Variants in XIRP2 observed in about 807,000 individuals in gnomAD.
The protein encoded by XIRP2 is xin actin-binding repeat-containing protein 2.
In XIRP2, 236 loss-of-function variants were observed where a neutral mutation model predicts 277.0. That is an observed-to-expected ratio of 0.85 (90% confidence interval 0.77 to 0.95). The LOEUF (loss-of-function observed/expected upper bound fraction) is 0.95, where lower values mean the gene tolerates loss of function less well. Ranked by LOEUF, XIRP2 falls within the 40% of genes least tolerant of loss-of-function variation. XIRP2 has a pLI of 0.00. For missense variants in XIRP2, 4,640 were observed against 4,157.5 expected (o/e 1.12, Z -3.19); for synonymous variants, 1,490 against 1,416.5 (o/e 1.05, Z -1.17).
At chr2:166,912,372 T>C (rs1684733410) in intron 2 of XIRP2, among the ~76,000 whole-genome samples, 1 of 152,252 alleles carries the variant, frequency 6.6e-6, no homozygotes, top group African/African-American at 2.4e-5. Flanking sequence ...CTTCAATCAC[T>C]GATACCCTTT....
rs889184124 is a variant in XIRP2, at chr2:167,259,618, C to T, written c.*1801C>T. ...GGATATGTTTTCCATTCAAATGGCA[C>T]TTTAGCATATTGTTCTGTTTTCCTG... On this transcript the variant is annotated 3_prime_UTR_variant, in exon 11 of 11. Coordinates refer to ENST00000409195, the MANE Select transcript of XIRP2 (RefSeq NM_152381.6). The T allele has an allele frequency of 2.7e-6, 1 of 364,370 alleles. No individual in the cohort carries two copies. The highest frequency in any genetic ancestry group is 9.3e-5 in the South Asian group (1 of 10,714). 22.6% of individuals were successfully genotyped at this position (364,370 alleles called of 1,614,324 possible).
chr2:167,147,654 G>T (rs911556292), intron 3 of XIRP2, among the ~76,000 whole-genome samples: 5 of 152,174 alleles, frequency 3.3e-5, no homozygotes, highest in African/African-American at 1.2e-4. Context: ...AAGTAGAACC[G>T]TTTATAGAAC....
chr2:166,910,891 G>A (rs186130826), intron 2 of XIRP2, among the ~76,000 whole-genome samples: 1,837 of 152,066 alleles, frequency 0.012, 23 homozygotes, highest in Admixed American at 0.03. Flanking sequence ...ATTCAGGAGC[G>A]GGTTGTTCAG....
At chr2:167,105,909 C>T (rs1690604842) in intron 2 of XIRP2, among the ~76,000 whole-genome samples, 1 of 151,610 alleles carries the variant, frequency 6.6e-6, no homozygotes, top group African/African-American at 2.4e-5. Context: ...TAGCTAATGA[C>T]GTTGAACATC....
At chr2:166,962,230 A>G (rs371055941) in intron 2 of XIRP2, among the ~76,000 whole-genome samples, 6 of 151,752 alleles carry the variant, frequency 4.0e-5, no homozygotes, top group Admixed American at 2.0e-4. Flanking sequence ...CTGATAATCA[A>G]CTATTTCTTT....
At position 167,241,812 on chromosome 2, in the gene XIRP2, G is replaced by C; in HGVS notation, c.1078G>C (p.Val360Leu). 6.2e-7 allele frequency: 1 copy of C among 1,613,348 alleles called. No individual in the cohort carries two copies. Among genetic ancestry groups the C allele is most frequent in the Non-Finnish European group, 8.5e-7 (1 of 1,179,640 alleles). Residue 360 changes from valine to leucine, a missense_variant, in exon 8 of 11, where the codon GTT becomes CTT. Val to Leu is a conservative substitution (Grantham distance 32). Transcript: ENST00000409195. ...ACCTGAGGATGAAGAGATTCCAAAG[G>C]TTTCGACTAAGTTGTTAAAAGAGCA... ...DTPEDEEIPKVSTKLLKEQFE... is the reference protein window; with the variant it reads ...DTPEDEEIPKLSTKLLKEQFE...
chr2:167,105,818 A>T (rs1387520880), intron 2 of XIRP2, among the ~76,000 whole-genome samples: 1 of 151,724 alleles, frequency 6.6e-6, no homozygotes, highest in African/African-American at 2.4e-5. Flanking sequence ...AGCATTTATT[A>T]TTGTTACCAT....
rs1177005219 is a variant in XIRP2 at position 167,038,544 on chromosome 2, A to AT, written c.409-97356dup. Among the ~76,000 whole-genome samples the AT allele has an allele frequency of 1.5e-4, 23 of 150,560 alleles. No individual in the cohort carries two copies. The South Asian group carries it at 1.7e-3, about 11-fold the overall frequency. On this transcript the variant is annotated intron_variant, in intron 2 of 10. Transcript: ENST00000409195. The stretch of plus-strand genomic sequence containing the variant: ...TATCCAGAGAAAGCTTAGTTCTGGG[A>AT]TTTTTTTTTCCAGTAGTGATATAAC...
intron 1 of XIRP2, among the ~76,000 whole-genome samples, chr2:166,891,599 CTAAT>C (rs1328937573): frequency 4.4e-4 from 67 of 152,168 alleles, no homozygotes; most frequent in Non-Finnish European, 2.4e-4. Flanking sequence ...TCTGCCAAAA[CTAAT>C]TAAAATTTCC....
At chr2:166,895,331 C>T (rs1238542307) in intron 1 of XIRP2, among the ~76,000 whole-genome samples, 1 of 152,090 alleles carries the variant, frequency 6.6e-6, no homozygotes, top group Non-Finnish European at 1.5e-5. Flanking sequence ...TTTGTTTCAT[C>T]CTACCTCAGT....
In XIRP2 at chr2:167,258,924, T is replaced by G. The variant is rs765547541; in HGVS notation, c.*1107T>G. ...GACAGAGCAGCTGCTGGCAGTCCTG[T>G]GCAGCCTGCTCCAAAACCAAGCCTC... On this transcript the variant is annotated 3_prime_UTR_variant, in exon 11 of 11. Coordinates refer to ENST00000409195, the MANE Select transcript of XIRP2 (RefSeq NM_152381.6). The G allele has an allele frequency of 4.3e-6, 7 of 1,613,154 alleles. No individual in the cohort carries two copies. Among genetic ancestry groups the G allele is most frequent in the Non-Finnish European group, 5.9e-6 (7 of 1,179,586 alleles).
chr2:167,184,395 C>T (rs1387229438), intron 3 of XIRP2: 4 of 601,000 alleles, frequency 6.7e-6, no homozygotes, highest in South Asian at 4.2e-5. Context: ...TTTGGCCTTA[C>T]GATTGTATCC....
intron 3 of XIRP2, among the ~76,000 whole-genome samples, chr2:167,140,323 A>G (rs1574290620): frequency 6.6e-6 from 1 of 152,354 alleles, no homozygotes; most frequent in East Asian, 1.9e-4. Context: ...TCAGGTCAGA[A>G]GCAAACCTTT....
At chr2:167,011,120 T>C (rs904037573) in intron 2 of XIRP2, among the ~76,000 whole-genome samples, 13 of 148,534 alleles carry the variant, frequency 8.8e-5, no homozygotes, top group South Asian at 2.1e-4. Context: ...TGAATAGGAG[T>C]GGTGAGAGAG....
At chr2:166,901,234 A>G (rs1157987960) in intron 1 of XIRP2, among the ~76,000 whole-genome samples, 3 of 151,984 alleles carry the variant, frequency 2.0e-5, no homozygotes, top group Non-Finnish European at 4.4e-5. Flanking sequence ...GCTTCTTCCC[A>G]CCACCAGTTC....
At chr2:167,095,792 G>A (rs1378962122) in intron 2 of XIRP2, among the ~76,000 whole-genome samples, 1 of 141,116 alleles carries the variant, frequency 7.1e-6, no homozygotes, top group Non-Finnish European at 1.5e-5. Flanking sequence ...TTGTGTCTCT[G>A]CTAGGTTTTT....
chr2:167,193,064 A>G, intron 3 of XIRP2, among the ~76,000 whole-genome samples: 1 of 152,212 alleles, frequency 6.6e-6, no homozygotes, highest in East Asian at 1.9e-4. Context: ...TTCATCATCC[A>G]GATCTGGACA....
intron 2 of XIRP2, among the ~76,000 whole-genome samples, chr2:166,924,858 T>G (rs887715222): frequency 3.9e-5 from 6 of 152,020 alleles, no homozygotes; most frequent in African/African-American, 1.2e-4. Flanking sequence ...ATTCAGAAAT[T>G]ATTAAGGGTT....
chr2:167,218,225 A>G lies in XIRP2; in HGVS notation c.783A>G (p.Gln261=), dbSNP rs766503282. Residue 261 remains glutamine, a synonymous_variant, in exon 5 of 11, where the codon CAA becomes CAG. Coordinates refer to ENST00000409195, the MANE Select transcript of XIRP2 (RefSeq NM_152381.6). ...GTGGTTTGGCCAAGGTGAAGAAACA[A>G]TTTGAGGACGAAATTACTTCTTCCC... ...VPGGLAKVKK[Q]FEDEITSSRN... The G allele has an allele frequency of 1.9e-6, 3 of 1,608,886 alleles. No homozygotes were observed. Among genetic ancestry groups the G allele is most frequent in the Non-Finnish European group, 1.7e-6 (2 of 1,177,772 alleles).
Sources: gnomAD v4.1 joint callset for allele counts (sites outside exome capture counted in the v4.1 genomes callset) on GRCh38, gnomAD v4.1.1 for gene constraint, MANE v1.5 for transcripts, NCBI Gene and HGNC (gene_info 2026-07-23, HGNC 2026-07-21) for gene names.